The following PPP1R9A variants were observed in gnomAD, a reference collection of about 807,000 sequenced individuals.
PPP1R9A encodes the protein neurabin-1.
PPP1R9A carries 59 observed loss-of-function variants against 141.9 expected under a neutral mutation model. The observed-to-expected ratio is 0.42, with a 90% CI of 0.34 to 0.52. PPP1R9A has a LOEUF of 0.52. Among genes scored for constraint, PPP1R9A ranks in the 20% least tolerant of loss-of-function variants. The pLI is 0.10. For missense variants in PPP1R9A, 1,444 were observed against 1,611.9 expected, an observed-to-expected ratio of 0.90 and a Z score of 1.78; for synonymous variants, 500 against 569.7, an observed-to-expected ratio of 0.88 and a Z score of 1.74.
At chr7:95,025,241 A>G (rs1047934616) in intron 2 of PPP1R9A, among the ~76,000 whole-genome samples, 1 of 151,880 alleles carries the variant, frequency 6.6e-6, no homozygotes, top group African/African-American at 2.4e-5. Context: ...TAATTTTTGT[A>G]TTTTTAGTAG....
intron 2 of PPP1R9A, among the ~76,000 whole-genome samples, chr7:95,052,878 A>G (rs557201613): frequency 2.7e-4 from 41 of 152,180 alleles, no homozygotes; most frequent in Non-Finnish European, 4.9e-4. Flanking sequence ...TAAGTCTGCA[A>G]TATCTCTTTT....
intron 4 of PPP1R9A, among the ~76,000 whole-genome samples, chr7:95,126,834 T>C (rs1030040534): frequency 9.9e-5 from 15 of 152,168 alleles, no homozygotes; most frequent in African/African-American, 3.4e-4. Context: ...AAGTGGGTGT[T>C]AGACACCAGA....
chr7:95,272,067 C>T (rs1253686408), intron 14 of PPP1R9A, among the ~76,000 whole-genome samples: 2 of 152,126 alleles, frequency 1.3e-5, no homozygotes, highest in Non-Finnish European at 1.5e-5. Flanking sequence ...TGCCTAGCAC[C>T]AAGCTCTGTG....
chr7:95,274,871 G>T (rs1028509654), intron 16 of PPP1R9A, among the ~76,000 whole-genome samples: 7 of 152,236 alleles, frequency 4.6e-5, no homozygotes, highest in Middle Eastern at 3.4e-3. Flanking sequence ...GGGCAAGTGA[G>T]TTACCCTCTG....
chr7:94,926,903 A>G (rs1229113566), intron 2 of PPP1R9A, among the ~76,000 whole-genome samples: 36 of 152,172 alleles, frequency 2.4e-4, no homozygotes, highest in East Asian at 1.9e-4. Context: ...TGTAATTAGT[A>G]ATAAATTGCA....
In PPP1R9A at chr7:95,120,788, C is replaced by T. The variant is rs12216695; in HGVS notation, c.1605C>T (p.Phe535=). 5.6e-6 allele frequency: 9 copies of T among 1,613,694 alleles called. No homozygotes were observed. The highest frequency in any genetic ancestry group is 4.4e-5 in the South Asian group (4 of 91,028). The change falls in exon 4 of 20, where the codon TTC becomes TTT. Residue 535 remains phenylalanine (F), a synonymous_variant. Coordinates refer to ENST00000433360, the MANE Select transcript of PPP1R9A (RefSeq NM_001166160.2). ...CTGGACTTGAAAAGCTGGGAATATT[C>T]GTCAAGACAGTAACAGAAGGTGGTG... is the stretch of plus-strand genomic sequence containing the variant. ...ADAGLEKLGI[F]VKTVTEGGAA...
chr7:94,911,953 T>C (rs144105690), intron 2 of PPP1R9A, among the ~76,000 whole-genome samples: 3 of 152,210 alleles, frequency 2.0e-5, no homozygotes, highest in African/African-American at 4.8e-5. Context: ...TAATATTCGA[T>C]TTACTTTCTT....
At chr7:95,285,623 C>T (rs946697626) in intron 17 of PPP1R9A, among the ~76,000 whole-genome samples, 2 of 152,304 alleles carry the variant, frequency 1.3e-5, no homozygotes, top group South Asian at 4.1e-4. Flanking sequence ...TGATGCTCTG[C>T]GGGTGCAGTG....
intron 5 of PPP1R9A, among the ~76,000 whole-genome samples, chr7:95,177,020 C>T (rs1833003816): frequency 6.6e-6 from 1 of 152,036 alleles, no homozygotes; most frequent in African/African-American, 2.4e-5. Flanking sequence ...AGAAAGAACA[C>T]CTGGGAAATT....
At chr7:95,166,765 G>A (rs889344195) in intron 5 of PPP1R9A, among the ~76,000 whole-genome samples, 4 of 152,082 alleles carry the variant, frequency 2.6e-5, no homozygotes, top group African/African-American at 7.2e-5. Context: ...ATTTCTCAGC[G>A]AAATACTAGC....
At chr7:95,252,469 T>C (rs1192435900) in intron 12 of PPP1R9A, among the ~76,000 whole-genome samples, 2 of 55,088 alleles carry the variant, frequency 3.6e-5, no homozygotes, top group Admixed American at 1.8e-4. Context: ...AGGTTTAGAT[T>C]TTTTTTTTTT....
intron 7 of PPP1R9A, among the ~76,000 whole-genome samples, chr7:95,223,747 A>G (rs967520826): frequency 1.3e-4 from 20 of 152,054 alleles, no homozygotes; most frequent in Non-Finnish European, 2.9e-4. Flanking sequence ...TCAATGCTGT[A>G]TATAGTGAGT....
chr7:95,177,522 C>G (rs1164747346), intron 5 of PPP1R9A, among the ~76,000 whole-genome samples: 1 of 152,008 alleles, frequency 6.6e-6, no homozygotes, highest in Non-Finnish European at 1.5e-5. Context: ...GGAATGGTAC[C>G]TCACACATCT....
chr7:95,183,698 CG>C (rs1834216368), intron 5 of PPP1R9A, among the ~76,000 whole-genome samples: 1 of 151,534 alleles, frequency 6.6e-6, no homozygotes, highest in Non-Finnish European at 1.5e-5. Flanking sequence ...CCACCCGCCT[CG>C]GGCTCCCAAA....
At chr7:95,255,028 T>C (rs993077385) in intron 12 of PPP1R9A, among the ~76,000 whole-genome samples, 2 of 152,116 alleles carry the variant, frequency 1.3e-5, no homozygotes, top group Admixed American at 1.3e-4. Context: ...CAAATTTTTT[T>C]CCACCAAGAG....
At chr7:95,030,193 C>G (rs1807465607) in intron 2 of PPP1R9A, among the ~76,000 whole-genome samples, 1 of 152,166 alleles carries the variant, frequency 6.6e-6, no homozygotes, top group South Asian at 2.1e-4. Flanking sequence ...CATCAATATC[C>G]TCATCTGTGA....
At chr7:95,000,131 C>T (rs967044471) in intron 2 of PPP1R9A, among the ~76,000 whole-genome samples, 2 of 152,122 alleles carry the variant, frequency 1.3e-5, no homozygotes, top group African/African-American at 4.8e-5. Context: ...TAAGATTCAT[C>T]ATGCAGTTCT....
intron 4 of PPP1R9A, among the ~76,000 whole-genome samples, chr7:95,121,451 GTCTGTCTGTCTATCTA>G (rs1460586988): frequency 2.1e-3 from 267 of 125,412 alleles, no homozygotes; most frequent in Non-Finnish European, 3.0e-3. Flanking sequence ...TTGTCTGTCT[GTCTGTCTGTCTATCTA>G]TCTATCTATC....
At chr7:95,159,505 G>A (rs1830125724) in intron 4 of PPP1R9A, among the ~76,000 whole-genome samples, 1 of 152,140 alleles carries the variant, frequency 6.6e-6, no homozygotes, top group Admixed American at 6.5e-5. Flanking sequence ...ACGGTTGTTT[G>A]CTATACCTGT....
Sources: gnomAD v4.1 joint callset for allele counts (sites outside exome capture counted in the v4.1 genomes callset) on GRCh38, gnomAD v4.1.1 for gene constraint, MANE v1.5 for transcripts, NCBI Gene and HGNC (gene_info 2026-07-23, HGNC 2026-07-21) for gene names.